Variants in ANTXR2 observed in about 807,000 individuals in gnomAD.
ANTXR2 encodes ANTXR cell adhesion molecule 2.
ANTXR2 carries 44 observed loss-of-function variants against 73.7 expected under a neutral mutation model. The observed-to-expected ratio is 0.60, with a 90% CI of 0.47 to 0.77. ANTXR2 has a LOEUF of 0.77. Among genes scored for constraint, ANTXR2 ranks in the 30% least tolerant of loss-of-function variants. The pLI is 0.00. For missense variants in ANTXR2, 604 were observed against 592.5 expected (o/e 1.02, Z -0.20); for synonymous variants, 217 against 205.9 (o/e 1.05, Z -0.46).
intron 12 of ANTXR2, among the ~76,000 whole-genome samples, chr4:79,995,258 C>T (rs142370462): frequency 3.3e-5 from 5 of 152,088 alleles, no homozygotes; most frequent in Admixed American, 2.6e-4. Context: ...TAATAAAGTG[C>T]TCTGCACACA....
intron 3 of ANTXR2, among the ~76,000 whole-genome samples, chr4:80,067,121 G>A (rs1216843866): frequency 6.6e-6 from 1 of 152,054 alleles, no homozygotes; most frequent in Middle Eastern, 3.2e-3. Context: ...CAGGAGAATG[G>A]TGTGAACCTG....
At chr4:80,055,059 T>C in intron 6 of ANTXR2, 91 bp downstream of exon 6, 1 of 1,207,560 alleles carries the variant, frequency 8.3e-7, no homozygotes, top group South Asian at 1.4e-5. Flanking sequence ...TCGACCAGTG[T>C]CACAATGTCA....
intron 11 of ANTXR2, among the ~76,000 whole-genome samples, chr4:80,018,209 T>C (rs1046436700): frequency 7.2e-5 from 11 of 152,210 alleles, no homozygotes; most frequent in Admixed American, 5.9e-4. Flanking sequence ...AAAATATATT[T>C]AGAAATAATA....
chr4:80,018,613 G>T (rs763518375), intron 11 of ANTXR2, among the ~76,000 whole-genome samples: 64 of 152,088 alleles, frequency 4.2e-4, no homozygotes, highest in Non-Finnish European at 7.9e-4. Context: ...TGCTTCATTT[G>T]TAAATTATTA....
intron 16 of ANTXR2, among the ~76,000 whole-genome samples, chr4:79,927,665 A>T (rs1727874010): frequency 6.6e-6 from 1 of 152,214 alleles, no homozygotes; most frequent in African/African-American, 2.4e-5. Context: ...ACAGATAAGA[A>T]GGACTGTCTG....
intron 10 of ANTXR2, among the ~76,000 whole-genome samples, chr4:80,020,125 C>T (rs536091625): frequency 2.6e-4 from 39 of 152,254 alleles, no homozygotes; most frequent in Admixed American, 2.5e-3. Context: ...CGCCTATAGT[C>T]CCAGCCCTTT....
intron 7 of ANTXR2, among the ~76,000 whole-genome samples, chr4:80,042,867 A>G (rs1387407567): frequency 6.6e-6 from 1 of 152,020 alleles, no homozygotes; most frequent in Non-Finnish European, 1.5e-5. Flanking sequence ...TCCCTCTTAT[A>G]TTTGTGAATC....
intron 16 of ANTXR2, among the ~76,000 whole-genome samples, chr4:79,922,051 G>A (rs1727613110): frequency 6.6e-6 from 1 of 151,884 alleles, no homozygotes; most frequent in African/African-American, 2.4e-5. Flanking sequence ...TTAAAACTCT[G>A]CACACTATAC....
chr4:79,966,327 T>A (rs1043811671), intron 16 of ANTXR2, among the ~76,000 whole-genome samples: 1 of 152,192 alleles, frequency 6.6e-6, no homozygotes, highest in African/African-American at 2.4e-5. Context: ...CACATCTACA[T>A]AAACTAAATT....
At position 80,008,535 on chromosome 4, in the gene ANTXR2, G is replaced by A; in HGVS notation, c.1027C>T (p.Leu343Phe). 6.2e-7 allele frequency: 1 copy of A among 1,607,570 alleles called. No individual in the cohort carries two copies. Among genetic ancestry groups the A allele is most frequent in the Non-Finnish European group, 8.5e-7 (1 of 1,177,182 alleles). The change falls in exon 12 of 17, where the codon CTT becomes TTT. Residue 343 changes from leucine (L) to phenylalanine (F), a missense_variant. By Grantham distance (22) the Leu-to-Phe change is conservative. Transcript: ENST00000403729. ...TTCTTACTCACCACTTTGCAGCAAA[G>A]GGGCCAAAACCACCACATCAAACCG... ...GIGLMWWFWP[L>F]CCKVVIKDPP...
intron 12 of ANTXR2, among the ~76,000 whole-genome samples, chr4:79,997,012 TC>T (rs1298526401): frequency 6.6e-6 from 1 of 151,714 alleles, no homozygotes; most frequent in Non-Finnish European, 1.5e-5. Flanking sequence ...TTACATCTCA[TC>T]TACTTAGCTG....
chr4:79,972,920 T>TAAAAAAAAAAAAAAAAAAAAA (rs746252575), intron 16 of ANTXR2, among the ~76,000 whole-genome samples: 1 of 53,156 alleles, frequency 1.9e-5, no homozygotes, highest in African/African-American at 1.5e-4. Flanking sequence ...TAGAGTATAA[T>TAAAAAAAAAAAAAAAAAAAAA]AAAAAAAAAA....
At chr4:79,962,613 A>G (rs1729187541) in intron 16 of ANTXR2, among the ~76,000 whole-genome samples, 1 of 152,188 alleles carries the variant, frequency 6.6e-6, no homozygotes, top group Admixed American at 6.5e-5. Flanking sequence ...CAGTTTTTAA[A>G]CATTTTTATA....
intron 16 of ANTXR2, among the ~76,000 whole-genome samples, chr4:79,910,507 C>CAAAAAAAAAA (rs144527286): frequency 4.2e-5 from 4 of 95,628 alleles, no homozygotes; most frequent in Admixed American, 1.1e-4. Context: ...GACTCCGTCT[C>CAAAAAAAAAA]AAAAAAAAAA....
chr4:80,071,816 T>C (rs1162845429), intron 1 of ANTXR2, among the ~76,000 whole-genome samples, 162 bp from the exon 2 acceptor site: 1 of 151,562 alleles, frequency 6.6e-6, no homozygotes, highest in African/African-American at 2.4e-5. Context: ...GTACCCAGAG[T>C]TAAAGAAGTC....
intron 12 of ANTXR2, among the ~76,000 whole-genome samples, chr4:79,990,383 CAAAAAAAA>C (rs70944757): frequency 7.8e-5 from 6 of 76,934 alleles, no homozygotes; most frequent in Non-Finnish European, 1.5e-4. Context: ...ACAACAGTTA[CAAAAAAAA>C]AAAAAAAAAA....
intron 11 of ANTXR2, among the ~76,000 whole-genome samples, chr4:80,015,471 T>C (rs1731792242): frequency 2.6e-5 from 4 of 152,166 alleles, no homozygotes; most frequent in Admixed American, 2.6e-4. Flanking sequence ...CCTAAAAGCT[T>C]TCTCTGTGCC....
chr4:79,976,893 G>A (rs1193220603), intron 16 of ANTXR2, among the ~76,000 whole-genome samples: 2 of 152,136 alleles, frequency 1.3e-5, no homozygotes, highest in Non-Finnish European at 2.9e-5. Flanking sequence ...ATTATGAACT[G>A]TACTGTCTCT....
chr4:80,061,056 G>A (rs1734227722), intron 3 of ANTXR2, among the ~76,000 whole-genome samples: 1 of 152,076 alleles, frequency 6.6e-6, no homozygotes, highest in South Asian at 2.1e-4. Context: ...CCTCCACATG[G>A]CTAGGTTGGG....
Sources: gnomAD v4.1 joint callset for allele counts (sites outside exome capture counted in the v4.1 genomes callset) on GRCh38, gnomAD v4.1.1 for gene constraint, MANE v1.5 for transcripts, NCBI Gene and HGNC (gene_info 2026-07-23, HGNC 2026-07-21) for gene names.